Variants in RELN observed in about 807,000 individuals in gnomAD.
The protein encoded by RELN is reelin.
A neutral mutation model predicts 427.6 loss-of-function variants in RELN; 108 were observed. That is an observed-to-expected ratio of 0.25 (90% CI 0.22 to 0.30). The LOEUF is 0.30. Ranked by LOEUF, RELN falls within the 10% of genes least tolerant of loss-of-function variation. RELN has a pLI of 1.00. For missense variants in RELN, 3,715 were observed against 4,302.8 expected, an observed-to-expected ratio of 0.86 and a Z score of 3.82; for synonymous variants, 1,524 against 1,513.4, an observed-to-expected ratio of 1.01 and a Z score of -0.16.
rs977521515 is a variant in RELN, at chr7:103,563,473, C to T, written c.5211-1520G>A. Among the ~76,000 whole-genome samples, 3 of 152,006 alleles carry T rather than the reference C, an allele frequency of 2.0e-5. No individual in the cohort carries two copies. Among genetic ancestry groups the T allele is most frequent in the Admixed American group, 1.3e-4 (2 of 15,256 alleles). ...AAGAAAACATTTTTGTACAGCTGTA[C>T]AATGTGCTTGTGTTTTAAGCTGTTA... On this transcript the variant is annotated intron_variant, in intron 34 of 64. Coordinates refer to ENST00000428762, the MANE Select transcript of RELN (RefSeq NM_005045.4). This position sits in a 1 kb window ranked among gnomAD's most constrained non-coding sequence, Gnocchi z 4.1.
At position 103,989,208 on chromosome 7, in the gene RELN, C is replaced by T; in HGVS notation, c.149G>A (p.Gly50Glu). 6.2e-7 allele frequency: 1 copy of T among 1,614,092 alleles called. No homozygotes were observed. Among genetic ancestry groups the T allele is most frequent in the Non-Finnish European group, 8.5e-7 (1 of 1,179,980 alleles). ...GGAAATGAGCACCTCGCCCTGCTCC[C>T]CATCCCCTTCCAGCTCCCCGTGGTG... ...CTHHGELEGD[G>E]EQGEVLISLH... The change falls in exon 1 of 65, where the codon GGG becomes GAG. Residue 50 changes from glycine to glutamate, a missense_variant. This residue lies in a region of RELN where 2,208 missense variants were observed against 2,361.7 expected (regional missense o/e 0.93). Coordinates refer to ENST00000428762, the MANE Select transcript of RELN (RefSeq NM_005045.4). The surrounding 1 kb of genome is among the most constrained non-coding windows in gnomAD (Gnocchi z 4.9).
intron 3 of RELN, among the ~76,000 whole-genome samples, chr7:103,801,209 G>A (rs1028096126): frequency 1.3e-5 from 2 of 152,136 alleles, no homozygotes; most frequent in Admixed American, 6.5e-5. Context: ...AATACCATTT[G>A]ACCCAGCCAT....
chr7:103,963,838 C>T (rs1796610509), intron 1 of RELN, among the ~76,000 whole-genome samples: 1 of 152,114 alleles, frequency 6.6e-6, no homozygotes, highest in Non-Finnish European at 1.5e-5. Flanking sequence ...ACTAATATCA[C>T]AAGTTGCAGA....
chr7:103,975,477 G>A (rs1403165867), intron 1 of RELN, among the ~76,000 whole-genome samples: 2 of 152,040 alleles, frequency 1.3e-5, no homozygotes, highest in Non-Finnish European at 2.9e-5. Context: ...GAAAAATATA[G>A]CAGTCAAGGG....
chr7:103,931,769 CAA>C (rs1795871029), intron 1 of RELN, among the ~76,000 whole-genome samples: 1 of 152,260 alleles, frequency 6.6e-6, no homozygotes, highest in African/African-American at 2.4e-5. Flanking sequence ...TAGTCCTACC[CAA>C]AAGTCTCCAA....
chr7:103,651,652 T>G lies in RELN; in HGVS notation c.1892+9A>C. 6.2e-7 allele frequency: 1 copy of G among 1,610,402 alleles called. No homozygotes were observed. The highest frequency in any genetic ancestry group is 8.5e-7 in the Non-Finnish European group (1 of 1,177,228). Reference sequence around the variant, plus strand: ...AAGTATTTCAATATCTCAGAGAGAATGTACTCACCCACTGTAGTTTTCAGA... The same window carrying G: ...AAGTATTTCAATATCTCAGAGAGAAGGTACTCACCCACTGTAGTTTTCAGA... On this transcript the variant is annotated intron_variant, in intron 15 of 64. Transcript: ENST00000428762.
At position 103,989,294 on chromosome 7, in the gene RELN, C is replaced by T; in HGVS notation, c.63G>A (p.Leu21=). The part of the protein sequence containing the change: ...FLLALLLGAT[L]RARAAAGYYP... The stretch of plus-strand genomic sequence containing the variant: ...AATAGCCAGCCGCCGCGCGCGCCCT[C>T]AGCGTCGCCCCCAGCAACAGCGCTA... Residue 21 remains leucine, a synonymous_variant, in exon 1 of 65, where the codon CTG becomes CTA. Transcript: ENST00000428762. This position sits in a 1 kb window ranked among gnomAD's most constrained non-coding sequence, Gnocchi z 4.9. The T allele has an allele frequency of 6.2e-7, 1 of 1,612,376 alleles. No homozygotes were observed. Among genetic ancestry groups the T allele is most frequent in the African/African-American group, 1.3e-5 (1 of 74,776 alleles).
At chr7:103,961,922 GTCTT>G (rs1330424680) in intron 1 of RELN, among the ~76,000 whole-genome samples, 2 of 152,114 alleles carry the variant, frequency 1.3e-5, no homozygotes, top group African/African-American at 4.8e-5. Context: ...CCATTGGAAG[GTCTT>G]TCTGTCTCAT....
intron 2 of RELN, among the ~76,000 whole-genome samples, chr7:103,906,543 CT>C (rs1288389972): frequency 1.3e-5 from 2 of 152,108 alleles, no homozygotes; most frequent in African/African-American, 2.4e-5. Flanking sequence ...GACTCTCTCT[CT>C]CTCCTCCTCT....
intron 36 of RELN, among the ~76,000 whole-genome samples, chr7:103,560,373 T>C (rs1210409764): frequency 6.6e-6 from 1 of 152,236 alleles, no homozygotes; most frequent in Non-Finnish European, 1.5e-5. Context: ...GCAGAGCTGA[T>C]AGATAATATG....
intron 24 of RELN, among the ~76,000 whole-genome samples, chr7:103,596,866 A>G (rs1161468737): frequency 6.6e-6 from 1 of 152,182 alleles, no homozygotes; most frequent in Non-Finnish European, 1.5e-5. Context: ...GTTAATGTCT[A>G]CATTACTGAT....
At chr7:103,527,478 A>T (rs1236698166) in intron 46 of RELN, among the ~76,000 whole-genome samples, 2 of 152,198 alleles carry the variant, frequency 1.3e-5, no homozygotes, top group Non-Finnish European at 2.9e-5. Context: ...AAACCTTTCA[A>T]AACTCCACTG....
rs145368459 is a variant in RELN, at chr7:103,960,313, G to T, written c.226+28818C>A. On this transcript the variant is annotated intron_variant, in intron 1 of 64. Coordinates refer to ENST00000428762, the MANE Select transcript of RELN (RefSeq NM_005045.4). The stretch of plus-strand genomic sequence containing the variant: ...GGCAGTTTCCTATATGTTTATGGTT[G>T]CTTCTGGCTGGAAAAACTCTTGCTC... 2.0e-5 allele frequency among the ~76,000 whole-genome samples: 3 copies of T among 152,106 alleles called. No individual in the cohort carries two copies. The East Asian group carries it at 5.8e-4, about 29-fold the overall frequency.
chr7:103,850,749 AATG>A (rs1793801754), intron 2 of RELN, among the ~76,000 whole-genome samples: 2 of 152,146 alleles, frequency 1.3e-5, no homozygotes, highest in South Asian at 4.1e-4. Flanking sequence ...CAACATCACT[AATG>A]ATCAGGGAAA....
chr7:103,567,523 G>C (rs1053652022), intron 31 of RELN, among the ~76,000 whole-genome samples: 4 of 152,102 alleles, frequency 2.6e-5, no homozygotes, highest in African/African-American at 9.7e-5. Flanking sequence ...GAAACTGTGG[G>C]AATCAATTAT....
Position 103,611,814 on chromosome 7 carries a change from CAG to C in RELN, c.2703-13_2703-12del, listed in dbSNP as rs1451447613. On this transcript the variant is annotated splice_polypyrimidine_tract_variant and intron_variant, in intron 20 of 64. Transcript: ENST00000428762. ...GAATCTCCTGTAAAACTGAAAGAGA[CAG>C]AGATGGAAATCAGAAAATTCTAAAC... 1.2e-6 allele frequency: 2 copies of C among 1,609,756 alleles called. No individual in the cohort carries two copies. Among genetic ancestry groups the C allele is most frequent in the Non-Finnish European group, 1.7e-6 (2 of 1,176,346 alleles).
In RELN at chr7:103,552,503, T is replaced by C. The variant is rs886251512; in HGVS notation, c.6072+958A>G. On this transcript the variant is annotated intron_variant, in intron 40 of 64. Coordinates refer to ENST00000428762, the MANE Select transcript of RELN (RefSeq NM_005045.4). ...AGGCACTTGTTTCTTCCTGAATTCT[T>C]TTTTTTTTTTTTTTTTTGGAGATGG... Among the ~76,000 whole-genome samples the C allele has an allele frequency of 8.5e-5, 7 of 82,634 alleles. No homozygotes were observed. In the Admixed American group the frequency reaches 9.4e-4, roughly 11 times the overall value. 54.2% of individuals were successfully genotyped at this position (82,634 alleles called of 152,430 possible).
chr7:103,775,944 G>C (rs763154578), intron 4 of RELN, among the ~76,000 whole-genome samples: 9 of 152,196 alleles, frequency 5.9e-5, no homozygotes, highest in Non-Finnish European at 1.0e-4. Flanking sequence ...ACACAAAGTA[G>C]GGTGGAAACT....
chr7:103,930,278 A>C (rs541509630), intron 1 of RELN, among the ~76,000 whole-genome samples: 6 of 152,180 alleles, frequency 3.9e-5, no homozygotes, highest in Non-Finnish European at 8.8e-5. Flanking sequence ...TCTTCTTCTT[A>C]TAATGACATC....
Sources: allele counts gnomAD v4.1 joint callset (sites outside exome capture counted in the v4.1 genomes callset), GRCh38; gene constraint gnomAD v4.1.1; regional missense constraint gnomAD v4.1.1; non-coding constraint Gnocchi (gnomAD v3.1); transcripts MANE v1.5; gene names NCBI Gene and HGNC (gene_info 2026-07-23, HGNC 2026-07-21).